The following GRM5 variants were observed in gnomAD, a reference collection of about 807,000 sequenced individuals.
GRM5 encodes metabotropic glutamate receptor 5.
In GRM5, 19 loss-of-function variants were observed where a neutral mutation model predicts 83.1. The ratio of observed to expected loss-of-function variants is 0.23; its 90% CI spans 0.16 to 0.34. The LOEUF (loss-of-function observed/expected upper bound fraction) is 0.34. Among genes scored for constraint, GRM5 ranks in the 10% least tolerant of loss-of-function variants. The probability of loss-of-function intolerance (pLI) is 1.00; values close to 1 mark genes in which losing one functional copy is unlikely to be tolerated. For synonymous variants in GRM5, 675 were observed against 633.6 expected, an observed-to-expected ratio of 1.07 and a Z score of -0.98; for missense variants, 1,160 against 1,588.3, an observed-to-expected ratio of 0.73 and a Z score of 4.58.
rs772967259 is a variant in GRM5, at chr11:88,508,853, G to T, written c.3378C>A (p.Gly1126=). 48 of 1,566,190 alleles carry T rather than the reference G, an allele frequency of 3.1e-5. No individual in the cohort carries two copies. The highest frequency in any genetic ancestry group is 6.9e-5 in the African/African-American group (5 of 72,118). ...CCTGCGCCCCTGCCGCGGGCTGCGC[G>T]CCTCCCGTGACTTCGATGGCCGGCA... ...QPLPAIEVTG[G]AQPAAGAQAA... Residue 1126 remains glycine (G), a synonymous_variant, in exon 10 of 10, where the codon GGC becomes GGA. Coordinates refer to ENST00000305447, the MANE Select transcript of GRM5 (RefSeq NM_001143831.3). The surrounding 1 kb of genome is among the most constrained non-coding windows in gnomAD (Gnocchi z 4.2).
At chr11:88,702,068 T>G (rs1365388245) in intron 3 of GRM5, among the ~76,000 whole-genome samples, 1 of 152,028 alleles carries the variant, frequency 6.6e-6, no homozygotes, top group Non-Finnish European at 1.5e-5. Flanking sequence ...GGTAGGGAAT[T>G]CAGTTTTAAG....
chr11:89,043,174 A>T (rs2135144382), intron 2 of GRM5, among the ~76,000 whole-genome samples: 1 of 152,314 alleles, frequency 6.6e-6, no homozygotes, highest in South Asian at 2.1e-4. Flanking sequence ...CTTCACTAAC[A>T]CAAATTCCTC....
At chr11:89,030,762 A>G (rs1941242300) in intron 2 of GRM5, among the ~76,000 whole-genome samples, 1 of 152,092 alleles carries the variant, frequency 6.6e-6, no homozygotes, top group Non-Finnish European at 1.5e-5. Context: ...TCAAAATTCT[A>G]TGATCTTATG....
intron 3 of GRM5, among the ~76,000 whole-genome samples, chr11:88,769,467 T>C (rs1942687156): frequency 6.6e-6 from 1 of 152,040 alleles, no homozygotes; most frequent in South Asian, 2.1e-4. Flanking sequence ...TCTATTATTA[T>C]TTTCCAAAGA....
At chr11:88,669,206 C>T (rs1047603897) in intron 3 of GRM5, among the ~76,000 whole-genome samples, 11 of 151,972 alleles carry the variant, frequency 7.2e-5, no homozygotes, top group South Asian at 6.2e-4. Flanking sequence ...TTTTAATTTT[C>T]GAAAGCTGGT....
intron 3 of GRM5, among the ~76,000 whole-genome samples, chr11:88,842,577 G>C (rs1188694969): frequency 6.6e-6 from 1 of 152,180 alleles, no homozygotes; most frequent in Non-Finnish European, 1.5e-5. Flanking sequence ...AAATTCAGTT[G>C]ACACTGGTGG....
At chr11:88,656,974 G>A (rs1158544943) in intron 3 of GRM5, among the ~76,000 whole-genome samples, 2 of 152,058 alleles carry the variant, frequency 1.3e-5, no homozygotes, top group Admixed American at 1.3e-4. Flanking sequence ...AGAGGAGGAA[G>A]TGTCCTGGAG....
chr11:88,766,335 C>T (rs903372396), intron 3 of GRM5, among the ~76,000 whole-genome samples: 8 of 151,930 alleles, frequency 5.3e-5, no homozygotes, highest in African/African-American at 1.9e-4. Flanking sequence ...ACCAAAATGG[C>T]ACGGTACTGG....
intron 2 of GRM5, among the ~76,000 whole-genome samples, chr11:89,006,193 T>A (rs1940518311): frequency 6.6e-6 from 1 of 152,216 alleles, no homozygotes. Context: ...GTGGCCTGGC[T>A]ATGCCATATA....
intron 2 of GRM5, among the ~76,000 whole-genome samples, chr11:88,886,371 A>G (rs971611467): frequency 6.6e-6 from 1 of 152,096 alleles, no homozygotes; most frequent in Admixed American, 6.6e-5. Context: ...GCAGACTCCA[A>G]CTCTGTCCTT....
intron 2 of GRM5, among the ~76,000 whole-genome samples, chr11:88,859,958 T>C (rs1375510074): frequency 6.6e-6 from 1 of 152,172 alleles, no homozygotes; most frequent in Non-Finnish European, 1.5e-5. Context: ...AGCTTTTCTA[T>C]GGACAAAGTC....
chr11:88,730,943 ACC>A (rs918215325), intron 3 of GRM5, among the ~76,000 whole-genome samples: 1 of 152,042 alleles, frequency 6.6e-6, no homozygotes, highest in African/African-American at 2.4e-5. Flanking sequence ...GGTGCAACAA[ACC>A]ACCATGGCAC....
chr11:89,023,961 C>T (rs1445835622), intron 2 of GRM5, among the ~76,000 whole-genome samples: 2 of 152,076 alleles, frequency 1.3e-5, no homozygotes, highest in Non-Finnish European at 1.5e-5. Context: ...CACAGTGGCT[C>T]ATGCCTGTAA....
intron 8 of GRM5, among the ~76,000 whole-genome samples, chr11:88,530,265 A>G (rs1219207663): frequency 6.6e-6 from 1 of 152,040 alleles, no homozygotes; most frequent in African/African-American, 2.4e-5. Context: ...AGGCTCTTCA[A>G]TCTTGTAAAC....
At position 88,713,756 on chromosome 11, in the gene GRM5, A is replaced by T. The variant is rs903996381; in HGVS notation, c.912-60353T>A. 2.6e-5 allele frequency among the ~76,000 whole-genome samples: 4 copies of T among 152,124 alleles called. No homozygotes were observed. The South Asian group carries it at 8.3e-4, about 32-fold the overall frequency. On this transcript the variant is annotated intron_variant, in intron 3 of 9. Transcript: ENST00000305447. ...CAGCATATACAGGTACTCTCTGATG[A>T]AGGGACATTTTAGGAGACTTAAATT... is the stretch of plus-strand genomic sequence containing the variant.
chr11:88,557,706 T>C (rs1015866600), intron 8 of GRM5, among the ~76,000 whole-genome samples: 2 of 152,112 alleles, frequency 1.3e-5, no homozygotes, highest in Non-Finnish European at 2.9e-5. Context: ...CTCCTGTTGT[T>C]TCCCAGTATG....
chr11:88,661,664 G>T (rs572198633), intron 3 of GRM5, among the ~76,000 whole-genome samples: 2 of 152,074 alleles, frequency 1.3e-5, no homozygotes, highest in Non-Finnish European at 2.9e-5. Flanking sequence ...GGAGGAGTAG[G>T]AAGTCTCAAA....
intron 3 of GRM5, among the ~76,000 whole-genome samples, chr11:88,748,710 C>G (rs1942196836): frequency 6.6e-6 from 1 of 151,962 alleles, no homozygotes; most frequent in Admixed American, 6.6e-5. Flanking sequence ...CAGGTCAGTA[C>G]CCCCCCAGGA....
intron 3 of GRM5, among the ~76,000 whole-genome samples, chr11:88,776,226 G>T (rs1411263663): frequency 6.6e-6 from 1 of 152,000 alleles, no homozygotes; most frequent in African/African-American, 2.4e-5. Flanking sequence ...ATCTTTGTGG[G>T]TTTAAAGTCT....
Sources: gnomAD v4.1 joint callset for allele counts (sites outside exome capture counted in the v4.1 genomes callset) on GRCh38, gnomAD v4.1.1 for gene constraint, Gnocchi (gnomAD v3.1) non-coding constraint, MANE v1.5 for transcripts, NCBI Gene and HGNC (gene_info 2026-07-23, HGNC 2026-07-21) for gene names.